The following CEP112 variants were observed in gnomAD, a reference collection of about 807,000 sequenced individuals.
CEP112 encodes the protein centrosomal protein 112.
Under a neutral mutation model 153.0 loss-of-function variants are expected in CEP112, and 127 were observed. That is an observed-to-expected ratio of 0.83 (90% confidence interval 0.72 to 0.96). The LOEUF (loss-of-function observed/expected upper bound fraction) is 0.96, where lower values mean the gene tolerates loss of function less well. Among genes scored for constraint, CEP112 ranks in the 40% least tolerant of loss-of-function variants. The pLI is 0.00. For missense variants in CEP112, 1,089 were observed against 1,101.2 expected (o/e 0.99, Z 0.16); for synonymous variants, 358 against 374.4 (o/e 0.96, Z 0.51).
At chr17:66,099,274 C>T (rs1555796862) in intron 6 of CEP112, among the ~76,000 whole-genome samples, 2 of 152,254 alleles carry the variant, frequency 1.3e-5, no homozygotes, top group Non-Finnish European at 2.9e-5. Flanking sequence ...GAGGCCAAGG[C>T]AGGCAGATCA....
At chr17:66,028,644 AAT>A (rs1416317936) in intron 14 of CEP112, among the ~76,000 whole-genome samples, 1 of 151,918 alleles carries the variant, frequency 6.6e-6, no homozygotes, top group Non-Finnish European at 1.5e-5. Flanking sequence ...CTGACATAAA[AAT>A]ATAATCTTTT....
chr17:66,151,014 T>G (rs2071186462), intron 4 of CEP112, among the ~76,000 whole-genome samples: 1 of 152,206 alleles, frequency 6.6e-6, no homozygotes, highest in Non-Finnish European at 1.5e-5. Context: ...ATTCCAGCTT[T>G]TTTATGCTTA....
intron 17 of CEP112, among the ~76,000 whole-genome samples, chr17:65,965,347 C>T (rs996835986): frequency 3.3e-5 from 5 of 152,014 alleles, no homozygotes; most frequent in African/African-American, 1.2e-4. Context: ...CAATTATAAG[C>T]ACAGGGAAAT....
At chr17:65,987,291 A>G (rs903325757) in intron 17 of CEP112, among the ~76,000 whole-genome samples, 7 of 152,160 alleles carry the variant, frequency 4.6e-5, no homozygotes, top group Non-Finnish European at 7.4e-5. Context: ...AGCACAATAA[A>G]AATTCATAAT....
intron 17 of CEP112, among the ~76,000 whole-genome samples, chr17:65,965,772 T>G (rs1467803639): frequency 2.6e-5 from 4 of 152,092 alleles, no homozygotes; most frequent in Admixed American, 2.6e-4. Flanking sequence ...TCCACCCCGG[T>G]CTCCTAAAGA....
chr17:65,643,606 G>A (rs1391708568), intron 24 of CEP112, among the ~76,000 whole-genome samples: 2 of 152,004 alleles, frequency 1.3e-5, no homozygotes, highest in Non-Finnish European at 2.9e-5. Flanking sequence ...CGGGCCCCCT[G>A]GTACTTCTTA....
chr17:66,021,850 T>A (rs1479379491), intron 16 of CEP112, among the ~76,000 whole-genome samples: 1 of 151,528 alleles, frequency 6.6e-6, no homozygotes, highest in Non-Finnish European at 1.5e-5. Context: ...GCCCAGCCAT[T>A]GTCTGGGCAA....
intron 1 of CEP112, among the ~76,000 whole-genome samples, chr17:66,184,251 C>T (rs1019509072): frequency 3.3e-5 from 5 of 151,812 alleles, no homozygotes; most frequent in Non-Finnish European, 7.4e-5. Context: ...AGAGCAAGAC[C>T]CTATCTCAAA....
intron 3 of CEP112, among the ~76,000 whole-genome samples, chr17:66,175,673 G>C (rs956412599): frequency 3.9e-5 from 6 of 152,190 alleles, no homozygotes; most frequent in African/African-American, 9.7e-5. Flanking sequence ...GAACAGCAGA[G>C]TGAAAAACCT....
intron 17 of CEP112, among the ~76,000 whole-genome samples, chr17:66,001,173 G>A (rs2064030419): frequency 6.6e-6 from 1 of 152,196 alleles, no homozygotes; most frequent in East Asian, 1.9e-4. Context: ...TGAGGGGCTG[G>A]CACAATGGCA....
intron 12 of CEP112, among the ~76,000 whole-genome samples, chr17:66,048,244 G>A (rs2066295750): frequency 6.6e-6 from 1 of 152,006 alleles, no homozygotes. Flanking sequence ...AAGGAAGGAA[G>A]ACTTCCTTAT....
At chr17:66,143,325 T>C (rs2070785464) in intron 4 of CEP112, among the ~76,000 whole-genome samples, 1 of 152,222 alleles carries the variant, frequency 6.6e-6, no homozygotes, top group African/African-American at 2.4e-5. Context: ...TCCAAGGTTT[T>C]GCCAGTAAAA....
chr17:66,092,493 A>G (rs1245962749), intron 8 of CEP112, among the ~76,000 whole-genome samples: 2 of 152,086 alleles, frequency 1.3e-5, no homozygotes, highest in African/African-American at 4.8e-5. Flanking sequence ...CTCTTCCAAA[A>G]AAAACAGAAT....
intron 24 of CEP112, among the ~76,000 whole-genome samples, chr17:65,670,901 G>T (rs1439125017): frequency 6.7e-6 from 1 of 149,042 alleles, no homozygotes; most frequent in Non-Finnish European, 1.5e-5. Context: ...GTGGGCGGGG[G>T]GGGCGGGGCA....
Position 66,170,677 on chromosome 17 carries a change from C to T in CEP112, c.470+4367G>A, listed in dbSNP as rs373041666. ...ACTCTGGAGGCTGAGGCAGAAGAAT[C>T]GCTTGAACCTGGGAGGCAGAGGTTG... On this transcript the variant is annotated intron_variant, in intron 4 of 26. Transcript: ENST00000535342. Among the ~76,000 whole-genome samples the T allele has an allele frequency of 9.9e-5, 15 of 151,920 alleles. 1 individual carries two copies. The East Asian group carries it at 1.2e-3, about 12-fold the overall frequency.
chr17:65,752,740 T>C (rs773317968), intron 21 of CEP112, among the ~76,000 whole-genome samples: 1 of 152,226 alleles, frequency 6.6e-6, no homozygotes, highest in Non-Finnish European at 1.5e-5. Flanking sequence ...CTAATGGGTA[T>C]CCTTCAGGTC....
At chr17:65,812,889 G>A (rs2056063967) in intron 21 of CEP112, among the ~76,000 whole-genome samples, 1 of 152,102 alleles carries the variant, frequency 6.6e-6, no homozygotes. Flanking sequence ...TAGAATAAAA[G>A]CTTTTTTTGA....
At chr17:65,980,128 A>G (rs2063176525) in intron 17 of CEP112, among the ~76,000 whole-genome samples, 1 of 152,010 alleles carries the variant, frequency 6.6e-6, no homozygotes, top group African/African-American at 2.4e-5. Context: ...TCCACATAAA[A>G]CTCCATTGGG....
At chr17:66,063,801 T>C (rs1407053948) in intron 10 of CEP112, among the ~76,000 whole-genome samples, 1 of 152,156 alleles carries the variant, frequency 6.6e-6, no homozygotes, top group Non-Finnish European at 1.5e-5. Flanking sequence ...GTTCTGGCCA[T>C]ATCTCTTCCC....
Sources: gnomAD v4.1 joint callset for allele counts (sites outside exome capture counted in the v4.1 genomes callset) on GRCh38, gnomAD v4.1.1 for gene constraint, MANE v1.5 for transcripts, NCBI Gene and HGNC (gene_info 2026-07-23, HGNC 2026-07-21) for gene names.